Variants in XKR9 observed in about 807,000 individuals in gnomAD.
XKR9 encodes XK related 9, also known as XK-related protein 9.
A neutral mutation model predicts 32.0 loss-of-function variants in XKR9; 32 were observed. That is an observed-to-expected ratio of 1.00 (90% CI 0.76 to 1.34). XKR9 has a LOEUF of 1.34. Ranked by LOEUF, XKR9 falls within the 40% of genes most tolerant of loss-of-function variation. XKR9 has a pLI of 0.00. For missense variants in XKR9, 546 were observed against 429.7 expected, an observed-to-expected ratio of 1.27 and a Z score of -2.39; for synonymous variants, 168 against 143.4, an observed-to-expected ratio of 1.17 and a Z score of -1.22.
the XKR9 span, among the ~76,000 whole-genome samples, chr8:70,818,976 T>C: frequency 3.3e-5 from 5 of 152,212 alleles, no homozygotes; most frequent in Non-Finnish European, 7.3e-5. Flanking sequence ...AATAGTAATG[T>C]GCCTCTAAGG....
chr8:70,768,100 C>T (rs1241469585), intron 2 of XKR9, among the ~76,000 whole-genome samples: 1 of 152,146 alleles, frequency 6.6e-6, no homozygotes, highest in Non-Finnish European at 1.5e-5. Context: ...AGCTGTGTCC[C>T]AGAGATTCTG....
the XKR9 span, among the ~76,000 whole-genome samples, chr8:70,880,103 T>C: frequency 2.0e-4 from 31 of 152,226 alleles, no homozygotes; most frequent in African/African-American, 7.5e-4. Flanking sequence ...ATCAATAAAC[T>C]AGGTATTAAT....
chr8:70,858,186 T>G, the XKR9 span, among the ~76,000 whole-genome samples: 6 of 152,106 alleles, frequency 3.9e-5, no homozygotes, highest in Non-Finnish European at 7.4e-5. Flanking sequence ...GTCCCTGTTT[T>G]CAGATGACAT....
the XKR9 span, among the ~76,000 whole-genome samples, chr8:70,900,158 A>G: frequency 3.3e-5 from 5 of 151,990 alleles, no homozygotes; most frequent in South Asian, 1.0e-3. Context: ...ATGTTTCTTT[A>G]GAAAGGTTAC....
At chr8:70,846,855 A>G in the XKR9 span, among the ~76,000 whole-genome samples, 1 of 152,060 alleles carries the variant, frequency 6.6e-6, no homozygotes, top group African/African-American at 2.4e-5. Context: ...AACAAATATT[A>G]TATTTAAAGG....
At chr8:70,685,497 A>T (rs1283297494) in intron 3 of XKR9, among the ~76,000 whole-genome samples, 1 of 148,314 alleles carries the variant, frequency 6.7e-6, no homozygotes, top group Non-Finnish European at 1.5e-5. Flanking sequence ...AAGTATAATA[A>T]TAATAATAAT....
At chr8:70,770,220 G>A (rs1351681913) in intron 2 of XKR9, among the ~76,000 whole-genome samples, 1 of 152,160 alleles carries the variant, frequency 6.6e-6, no homozygotes, top group African/African-American at 2.4e-5. Flanking sequence ...ATCAGCTGGA[G>A]TTTGCTGGAG....
chr8:70,740,762 C>T (rs535029782), downstream of XKR9, among the ~76,000 whole-genome samples: 4 of 152,326 alleles, frequency 2.6e-5, no homozygotes, highest in South Asian at 8.3e-4. Context: ...GTTCTAGCAG[C>T]GGTGGCTGCA....
At chr8:70,962,830 C>T in the XKR9 span, among the ~76,000 whole-genome samples, 9,072 of 152,256 alleles carry the variant, frequency 0.06, 382 homozygotes, top group Non-Finnish European at 0.084. Context: ...TCTTTCTGTA[C>T]TAATTAGGAC....
At chr8:71,028,355 T>G in the XKR9 span, among the ~76,000 whole-genome samples, 1 of 152,218 alleles carries the variant, frequency 6.6e-6, no homozygotes, top group Admixed American at 6.5e-5. Flanking sequence ...TAATTTCCTA[T>G]TCAGATAGTT....
rs1438061817 is a variant in XKR9, at chr8:70,734,191, G to T, written c.889G>T (p.Gly297Cys). 6.2e-7 allele frequency: 1 copy of T among 1,613,356 alleles called. No individual in the cohort carries two copies. Among genetic ancestry groups the T allele is most frequent in the South Asian group, 1.1e-5 (1 of 91,036 alleles). Reference sequence around the variant, plus strand: ...TTGTTATTATATTGTTAGGGTACTGGGCACTTTGGGGATATTGACTGTATT... The same window carrying T: ...TTGTTATTATATTGTTAGGGTACTGTGCACTTTGGGGATATTGACTGTATT... ...MSCYYIVRVL[G>C]TLGILTVFWV... The change falls in exon 5 of 5, where the codon GGC becomes TGC. Residue 297 changes from glycine to cysteine, a missense_variant. Coordinates refer to ENST00000408926, the MANE Select transcript of XKR9 (RefSeq NM_001011720.2).
chr8:70,808,670 G>T, the XKR9 span, among the ~76,000 whole-genome samples: 1 of 152,204 alleles, frequency 6.6e-6, no homozygotes, highest in Non-Finnish European at 1.5e-5. Flanking sequence ...GACTTGGAGG[G>T]TCCTACACCC....
chr8:70,927,988 T>C, the XKR9 span, among the ~76,000 whole-genome samples: 1 of 152,150 alleles, frequency 6.6e-6, no homozygotes, highest in East Asian at 1.9e-4. Flanking sequence ...GGTTTGAACC[T>C]TTTATCTAAT....
At chr8:70,949,799 C>T in the XKR9 span, among the ~76,000 whole-genome samples, 2 of 152,022 alleles carry the variant, frequency 1.3e-5, no homozygotes, top group Admixed American at 1.3e-4. Flanking sequence ...AAGAGGAGAT[C>T]CTGCAAGATT....
the XKR9 span, among the ~76,000 whole-genome samples, chr8:70,811,096 G>A: frequency 5.3e-5 from 8 of 152,190 alleles, no homozygotes; most frequent in Admixed American, 3.3e-4. Context: ...CTGTCTCACA[G>A]ACCATAGTGC....
chr8:71,011,895 T>A, the XKR9 span, among the ~76,000 whole-genome samples: 12 of 152,218 alleles, frequency 7.9e-5, no homozygotes, highest in Non-Finnish European at 1.8e-4. Flanking sequence ...ATTTTTCACA[T>A]CTTGAAGGCT....
At chr8:71,013,022 T>A in the XKR9 span, among the ~76,000 whole-genome samples, 1 of 152,112 alleles carries the variant, frequency 6.6e-6, no homozygotes, top group Non-Finnish European at 1.5e-5. Flanking sequence ...ACCCTCCTCT[T>A]TGGGAGAAGG....
chr8:70,912,184 A>T, the XKR9 span, among the ~76,000 whole-genome samples: 1 of 152,128 alleles, frequency 6.6e-6, no homozygotes, highest in African/African-American at 2.4e-5. Context: ...TGTAGGCTAA[A>T]TCAAATCATA....
chr8:71,014,991 T>A, the XKR9 span, among the ~76,000 whole-genome samples: 1 of 152,174 alleles, frequency 6.6e-6, no homozygotes, highest in Non-Finnish European at 1.5e-5. Flanking sequence ...CAGATGTTGC[T>A]GGGATAAAAT....
Sources: gnomAD v4.1 joint callset for allele counts (sites outside exome capture counted in the v4.1 genomes callset) on GRCh38, gnomAD v4.1.1 for gene constraint, MANE v1.5 for transcripts, NCBI Gene and HGNC (gene_info 2026-07-23, HGNC 2026-07-21) for gene names.